The following PLXNA1 variants were observed in gnomAD, a reference collection of about 807,000 sequenced individuals.
The protein encoded by PLXNA1 is plexin A1, also known as plexin-A1.
PLXNA1 carries 77 observed loss-of-function variants against 191.7 expected under a neutral mutation model. The ratio of observed to expected loss-of-function variants is 0.40; its 90% CI spans 0.33 to 0.49. The LOEUF is 0.49. Ranked by LOEUF, PLXNA1 falls within the 20% of genes least tolerant of loss-of-function variation. The pLI is 0.63. For missense variants in PLXNA1, 2,110 were observed against 2,660.2 expected (o/e 0.79, Z 4.55); for synonymous variants, 1,137 against 1,156.4 (o/e 0.98, Z 0.34).
rs1349714465 is a variant in PLXNA1, at chr3:127,010,979, G to A, written c.2113-979G>A. ...GGAGTCTCAGTGCCCTGAGCCACCCGTTTTCATGGCTGGGGCCCTAAGGTG... is the reference window on the plus strand; with the variant it reads ...GGAGTCTCAGTGCCCTGAGCCACCCATTTTCATGGCTGGGGCCCTAAGGTG... On this transcript the variant is annotated intron_variant, in intron 9 of 31. Coordinates refer to ENST00000393409, the MANE Select transcript of PLXNA1 (RefSeq NM_032242.4). Among the ~76,000 whole-genome samples, 6 of 152,178 alleles carry A rather than the reference G, an allele frequency of 3.9e-5. No homozygotes were observed. The East Asian group carries it at 7.7e-4, about 20-fold the overall frequency.
chr3:127,011,931 G>A (rs771465153), intron 9 of PLXNA1, 27 bp from the exon 10 acceptor site: 4 of 1,602,746 alleles, frequency 2.5e-6, no homozygotes, highest in Non-Finnish European at 2.6e-6. Flanking sequence ...CCGCCCCCGG[G>A]CTCAGCCAAA....
chr3:127,019,865 A>G (rs2079143955), intron 20 of PLXNA1, among the ~76,000 whole-genome samples: 1 of 152,004 alleles, frequency 6.6e-6, no homozygotes, highest in Non-Finnish European at 1.5e-5. Flanking sequence ...GCACTCCACC[A>G]CCTCACAGCG....
At chr3:126,984,116 C>G (rs547441810) in intron 1 of PLXNA1, among the ~76,000 whole-genome samples, 2 of 152,194 alleles carry the variant, frequency 1.3e-5, no homozygotes, top group African/African-American at 2.4e-5. Context: ...GGCAGCGGGC[C>G]GATCCCGGGC....
intron 1 of PLXNA1, among the ~76,000 whole-genome samples, chr3:126,984,710 G>A (rs557318440): frequency 6.6e-6 from 1 of 152,224 alleles, no homozygotes; most frequent in Non-Finnish European, 1.5e-5. Context: ...GTGTGCTCTG[G>A]GGGTGGGGGA....
In PLXNA1 at chr3:127,035,975, C is replaced by T. The variant is rs1402275525; in HGVS notation, c.*1958C>T. Reference sequence around the variant, plus strand: ...GCTCAGGCCTGGGCCAGCCCCTGCCCCCAGCCCACTGAGGGGGTGGGCTTA... The same window carrying T: ...GCTCAGGCCTGGGCCAGCCCCTGCCTCCAGCCCACTGAGGGGGTGGGCTTA... On this transcript the variant is annotated 3_prime_UTR_variant, in exon 32 of 32. Transcript: ENST00000393409. 6.5e-6 allele frequency: 1 copy of T among 152,688 alleles called. No homozygotes were observed. Among genetic ancestry groups the T allele is most frequent in the Non-Finnish European group, 1.5e-5 (1 of 68,120 alleles). The allele number at this position is 152,688 out of a possible 1,614,324, so 9.5% of individuals were successfully genotyped here.
chr3:126,993,581 G>C (rs1243973357), intron 3 of PLXNA1, among the ~76,000 whole-genome samples: 2 of 152,152 alleles, frequency 1.3e-5, no homozygotes. Flanking sequence ...GCCCATACCT[G>C]CCTCCCAGCA....
intron 8 of PLXNA1, among the ~76,000 whole-genome samples, chr3:127,007,326 G>A (rs544761245): frequency 1.3e-5 from 2 of 152,366 alleles, no homozygotes; most frequent in Admixed American, 6.5e-5. Flanking sequence ...CTGCCCCAGC[G>A]ATCCTGCTTT....
chr3:126,987,251 G>A (rs1387034691), intron 1 of PLXNA1, among the ~76,000 whole-genome samples: 1 of 152,234 alleles, frequency 6.6e-6, no homozygotes, highest in Admixed American at 6.5e-5. Flanking sequence ...TCTAGATTTA[G>A]CCCAGTGCTT....
rs765588814 is a variant in PLXNA1, at chr3:126,988,782, G to A, written c.189G>A (p.Val63=). 5 of 1,609,692 alleles carry A rather than the reference G, an allele frequency of 3.1e-6. No homozygotes were observed. In the South Asian group the frequency reaches 4.4e-5, roughly 14 times the overall value. ...TGGTGCATGAGCAGACAGGCGAGGTGTATGTGGGCGCAGTGAACCGCATCT... is the reference window on the plus strand; with the variant it reads ...TGGTGCATGAGCAGACAGGCGAGGTATATGTGGGCGCAGTGAACCGCATCT... ...HLVVHEQTGE[V]YVGAVNRIYK... is the part of the protein sequence containing the mutation. The change falls in exon 2 of 32, where the codon GTG becomes GTA. Residue 63 remains valine, a synonymous_variant. Coordinates refer to ENST00000393409, the MANE Select transcript of PLXNA1 (RefSeq NM_032242.4).
At chr3:127,002,929 C>G (rs568330513) in intron 3 of PLXNA1, among the ~76,000 whole-genome samples, 58 of 152,272 alleles carry the variant, frequency 3.8e-4, no homozygotes, top group Admixed American at 5.9e-4. Context: ...CCCCGACAAC[C>G]AACATCCCTC....
At chr3:127,017,184 G>A in intron 17 of PLXNA1, 147 bp downstream of exon 17, 1 of 975,050 alleles carries the variant, frequency 1.0e-6, no homozygotes, top group South Asian at 1.6e-5. Context: ...GAGACCCCTG[G>A]GGAGGCACCT....
intron 8 of PLXNA1, 41 bp downstream of exon 8, chr3:127,006,219 T>A: frequency 4.7e-6 from 7 of 1,477,832 alleles, no homozygotes; most frequent in South Asian, 4.5e-5. Flanking sequence ...GGGCCTGGGC[T>A]ACTTGCCCCA....
intron 8 of PLXNA1, among the ~76,000 whole-genome samples, chr3:127,006,541 C>T (rs1004060365): frequency 6.6e-6 from 1 of 152,204 alleles, no homozygotes; most frequent in Non-Finnish European, 1.5e-5. Flanking sequence ...GCAATGTTGC[C>T]ACCGTGATAT....
rs557431627 is a variant in PLXNA1 at position 127,016,664 on chromosome 3, C to T, written c.3162C>T (p.Asp1054=). ...YTEDPTILRI[D]PEWSINSGGT... is the part of the protein sequence containing the mutation. ...AGGACCCCACCATCCTGAGGATCGA[C>T]CCCGAGTGGAGCATCAACAGGTGGG... Residue 1054 remains aspartate (D), a synonymous_variant, in exon 16 of 32, where the codon GAC becomes GAT. Transcript: ENST00000393409. The T allele has an allele frequency of 1.2e-6, 2 of 1,614,010 alleles. No individual in the cohort carries two copies. Among genetic ancestry groups the T allele is most frequent in the South Asian group, 1.1e-5 (1 of 91,084 alleles).
chr3:126,989,658 A>G lies in PLXNA1; in HGVS notation c.1065A>G (p.Ser355=). ...ACCGCGTGAAGCCACCAAAGGAGTC[A>G]GCACTGTGCCTGTTCACGCTCAGGG... ...QKNRVKPPKE[S]ALCLFTLRAI... is the part of the protein sequence containing the mutation. Residue 355 remains serine, a synonymous_variant, in exon 2 of 32, where the codon TCA becomes TCG. Transcript: ENST00000393409. 1 of 1,613,194 alleles carries G rather than the reference A, an allele frequency of 6.2e-7. No homozygotes were observed. The highest frequency in any genetic ancestry group is 8.5e-7 in the Non-Finnish European group (1 of 1,180,020).
At chr3:127,015,119 G>A (rs1375066286) in intron 14 of PLXNA1, 65 bp from the exon 15 acceptor site, 1 of 1,561,838 alleles carries the variant, frequency 6.4e-7, no homozygotes, top group Non-Finnish European at 8.7e-7. Flanking sequence ...GCCAAGTGGG[G>A]CCTGTCCCCA....
chr3:127,025,197 C>A (rs1039897559), intron 23 of PLXNA1, among the ~76,000 whole-genome samples: 8 of 152,088 alleles, frequency 5.3e-5, no homozygotes, highest in Non-Finnish European at 7.4e-5. Flanking sequence ...AGTGTCGCTG[C>A]CCTAAAAATC....
chr3:126,992,826 C>T (rs797017630), intron 3 of PLXNA1, among the ~76,000 whole-genome samples: 24 of 152,244 alleles, frequency 1.6e-4, no homozygotes, highest in African/African-American at 5.3e-4. Flanking sequence ...TGTGGGGTAC[C>T]GCCCTGTGGC....
rs998539657 is a variant in PLXNA1 at position 127,036,129 on chromosome 3, T to C, written c.*2112T>C. ...GGGTGCGCCTCCACCTCCCTTCTGA[T>C]GTTTCCTGGCTATGGTGGGGTGGGA... On this transcript the variant is annotated 3_prime_UTR_variant, in exon 32 of 32. Coordinates refer to ENST00000393409, the MANE Select transcript of PLXNA1 (RefSeq NM_032242.4). 1.3e-5 allele frequency: 2 copies of C among 152,768 alleles called. No individual in the cohort carries two copies. The highest frequency in any genetic ancestry group is 4.8e-5 in the African/African-American group (2 of 41,458). The allele number at this position is 152,768 out of a possible 1,614,324, so 9.5% of individuals were successfully genotyped here. A position where few individuals can be genotyped will look rare whatever the true frequency, so the allele number is the denominator to read the frequency against.
Sources: allele counts gnomAD v4.1 joint callset (sites outside exome capture counted in the v4.1 genomes callset), GRCh38; gene constraint gnomAD v4.1.1; transcripts MANE v1.5; gene names NCBI Gene and HGNC (gene_info 2026-07-23, HGNC 2026-07-21).